MALRD1: variants seen among roughly 807,000 people sequenced by gnomAD.
The protein encoded by MALRD1 is MAM and LDL-receptor class A domain-containing protein 1.
MALRD1 carries 247 observed loss-of-function variants against 242.1 expected under a neutral mutation model. The ratio of observed to expected loss-of-function variants is 1.02; its 90% CI spans 0.92 to 1.13. The LOEUF (loss-of-function observed/expected upper bound fraction) is 1.13, where lower values mean the gene tolerates loss of function less well. MALRD1 is among the 50% of genes most tolerant of loss of function. MALRD1 has a pLI of 0.00. For synonymous variants in MALRD1, 995 were observed against 866.6 expected, an observed-to-expected ratio of 1.15 and a Z score of -2.60; for missense variants, 2,989 against 2,533.1, an observed-to-expected ratio of 1.18 and a Z score of -3.86.
At chr10:19,360,523 A>G (rs1844845314) in intron 26 of MALRD1, among the ~76,000 whole-genome samples, 1 of 151,948 alleles carries the variant, frequency 6.6e-6, no homozygotes, top group African/African-American at 2.4e-5. Context: ...CTCATTCCCA[A>G]ATTCCTCTAT....
chr10:19,396,047 T>C (rs1263339928), intron 28 of MALRD1, among the ~76,000 whole-genome samples: 1 of 152,188 alleles, frequency 6.6e-6, no homozygotes, highest in African/African-American at 2.4e-5. Flanking sequence ...TGCCATTCTA[T>C]TTCTGTTTCT....
chr10:19,248,221 AAATTT>A (rs775169231), intron 18 of MALRD1, among the ~76,000 whole-genome samples: 8 of 152,054 alleles, frequency 5.3e-5, no homozygotes, highest in Non-Finnish European at 1.0e-4. Context: ...GCTTTAGGCC[AAATTT>A]AATTTAATCT....
intron 14 of MALRD1, among the ~76,000 whole-genome samples, chr10:19,182,204 C>G (rs747562631): frequency 6.6e-6 from 1 of 151,472 alleles, no homozygotes; most frequent in Non-Finnish European, 1.5e-5. Context: ...CCTATATAGT[C>G]TTTTAATCAG....
rs1379549040 is a variant in MALRD1, at chr10:19,632,279, C to T, written c.6137+16356C>T. Among the ~76,000 whole-genome samples the T allele has an allele frequency of 5.3e-5, 8 of 152,248 alleles. No individual in the cohort carries two copies. The South Asian group carries it at 1.0e-3, about 20-fold the overall frequency. The stretch of plus-strand genomic sequence containing the variant: ...GCCATCGTGAAGAAGTTGGAGCAAG[C>T]AGGCAAAATGTATTCCACATCCTCT... On this transcript the variant is annotated intron_variant, in intron 36 of 39. Transcript: ENST00000454679.
intron 28 of MALRD1, among the ~76,000 whole-genome samples, chr10:19,414,205 A>G (rs1357277238): frequency 6.6e-6 from 1 of 152,176 alleles, no homozygotes; most frequent in Admixed American, 6.5e-5. Flanking sequence ...TATTTTCCAG[A>G]ACGTTGTCGT....
chr10:19,637,991 C>T (rs376624105), intron 36 of MALRD1, among the ~76,000 whole-genome samples: 3 of 149,642 alleles, frequency 2.0e-5, no homozygotes, highest in East Asian at 4.0e-4. Flanking sequence ...ATCCCAGCTA[C>T]TCGGGAGGCT....
intron 18 of MALRD1, among the ~76,000 whole-genome samples, chr10:19,234,922 G>C (rs1838243121): frequency 6.6e-6 from 1 of 152,174 alleles, no homozygotes; most frequent in South Asian, 2.1e-4. Flanking sequence ...CCCATGTTGA[G>C]AGTGGGAACT....
rs114732764 is a variant in MALRD1, at chr10:19,433,859, A to G, written c.4846-16448A>G. Among the ~76,000 whole-genome samples the G allele has an allele frequency of 9.0e-3, 1,362 of 152,082 alleles. 15 individuals carry two copies. Among genetic ancestry groups the G allele is most frequent in the African/African-American group, 0.032 (1,308 of 41,488 alleles). ...AGACCCTTGAAGGACCTTTGCCAGC[A>G]GTTATATGGCAAACACACACACACA... On this transcript the variant is annotated intron_variant, in intron 28 of 39. Transcript: ENST00000454679.
intron 5 of MALRD1, among the ~76,000 whole-genome samples, chr10:19,122,713 A>G (rs1253647386): frequency 6.6e-6 from 1 of 152,052 alleles, no homozygotes; most frequent in East Asian, 1.9e-4. Flanking sequence ...TGGGGAAAAG[A>G]AAACAAAAAC....
At chr10:19,428,621 G>T (rs183847750) in intron 28 of MALRD1, among the ~76,000 whole-genome samples, 1 of 151,702 alleles carries the variant, frequency 6.6e-6, no homozygotes, top group Non-Finnish European at 1.5e-5. Context: ...ACAACCTTAT[G>T]GTTTAGGTGC....
At chr10:19,647,759 A>G (rs1840715448) in intron 36 of MALRD1, among the ~76,000 whole-genome samples, 1 of 152,198 alleles carries the variant, frequency 6.6e-6, no homozygotes, top group South Asian at 2.1e-4. Flanking sequence ...AATATGAAAT[A>G]TTAGAACTTT....
At chr10:19,138,396 A>G (rs1833426164) in intron 10 of MALRD1, among the ~76,000 whole-genome samples, 1 of 150,220 alleles carries the variant, frequency 6.7e-6, no homozygotes, top group African/African-American at 2.4e-5. Context: ...GAAGGAAAAT[A>G]TATTTCCTTT....
chr10:19,312,298 A>AGTGGATAG (rs1466704123), intron 21 of MALRD1, among the ~76,000 whole-genome samples: 3 of 150,530 alleles, frequency 2.0e-5, no homozygotes, highest in Non-Finnish European at 4.5e-5. Flanking sequence ...AACACATTAC[A>AGTGGATAG]GTGGATAGTT....
intron 32 of MALRD1, among the ~76,000 whole-genome samples, chr10:19,562,070 G>T (rs1395464183): frequency 1.3e-5 from 2 of 152,134 alleles, no homozygotes; most frequent in Admixed American, 6.5e-5. Context: ...GGCCAAGGTG[G>T]GTGGATCACA....
intron 28 of MALRD1, among the ~76,000 whole-genome samples, chr10:19,441,627 A>T (rs2130989735): frequency 6.6e-6 from 1 of 152,318 alleles, no homozygotes; most frequent in Middle Eastern, 3.4e-3. Context: ...GGTTTGTCAA[A>T]GATCAGATGG....
intron 18 of MALRD1, among the ~76,000 whole-genome samples, chr10:19,237,726 A>G (rs1278590746): frequency 8.4e-6 from 1 of 118,490 alleles, no homozygotes; most frequent in East Asian, 2.2e-4. Context: ...ATATATAAAT[A>G]TATAATTATA....
chr10:19,407,899 A>G (rs915205693), intron 28 of MALRD1, among the ~76,000 whole-genome samples: 1 of 152,176 alleles, frequency 6.6e-6, no homozygotes, highest in African/African-American at 2.4e-5. Flanking sequence ...ATAAGCAAAA[A>G]TGTTCAAAGC....
At chr10:19,388,389 A>G (rs1217927455) in intron 27 of MALRD1, among the ~76,000 whole-genome samples, 2 of 152,224 alleles carry the variant, frequency 1.3e-5, no homozygotes, top group East Asian at 3.8e-4. Context: ...TTAATTCAGC[A>G]ATTGAAGTTA....
At chr10:19,181,462 A>C (rs1835501519) in intron 14 of MALRD1, among the ~76,000 whole-genome samples, 1 of 152,210 alleles carries the variant, frequency 6.6e-6, no homozygotes, top group Non-Finnish European at 1.5e-5. Flanking sequence ...ACAAGAAGGA[A>C]AATATTGCAT....
Sources: allele counts gnomAD v4.1 joint callset (sites outside exome capture counted in the v4.1 genomes callset), GRCh38; gene constraint gnomAD v4.1.1; transcripts MANE v1.5; gene names NCBI Gene and HGNC (gene_info 2026-07-23, HGNC 2026-07-21).